HSPD1: variants seen among roughly 807,000 people sequenced by gnomAD.
HSPD1 encodes 60 kDa heat shock protein, mitochondrial.
HSPD1 carries 3 observed loss-of-function variants against 53.0 expected under a neutral mutation model. The ratio of observed to expected loss-of-function variants is 0.06; its 90% CI spans 0.03 to 0.15. The LOEUF is 0.15. Among genes scored for constraint, HSPD1 ranks in the 10% least tolerant of loss-of-function variants. The pLI, the probability that HSPD1 is intolerant of heterozygous loss-of-function variation, is 1.00. For missense variants in HSPD1, 431 were observed against 694.1 expected, an observed-to-expected ratio of 0.62 and a Z score of 4.26; for synonymous variants, 200 against 228.0, an observed-to-expected ratio of 0.88 and a Z score of 1.10.
upstream of HSPD1, chr2:197,500,201 T>A: frequency 1.7e-6 from 1 of 597,320 alleles, no homozygotes; most frequent in Admixed American, 3.0e-5. Context: ...AGCTCCTTTT[T>A]TCTTCCGCCT....
rs1034078994 is a variant in HSPD1 at position 197,488,924 on chromosome 2, C to G, written c.1215+78G>C. 15 of 1,386,652 alleles carry G rather than the reference C, an allele frequency of 1.1e-5. No homozygotes were observed. The Admixed American group carries it at 2.5e-4, about 23-fold the overall frequency. 85.9% of individuals were successfully genotyped at this position (1,386,652 alleles called of 1,614,324 possible). A position where few individuals can be genotyped will look rare whatever the true frequency, so the allele number is the denominator to read the frequency against. On this transcript the variant is annotated intron_variant, in intron 9 of 11. Coordinates refer to ENST00000388968, the MANE Select transcript of HSPD1 (RefSeq NM_002156.5). Reference sequence around the variant, plus strand: ...CAAGTATTCGTTTAGTTCTATGGTACTACTGGGGAATACTACAGAAGCAAA... The same window carrying G: ...CAAGTATTCGTTTAGTTCTATGGTAGTACTGGGGAATACTACAGAAGCAAA...
intron 7 of HSPD1, 76 bp downstream of exon 7, chr2:197,493,248 G>T: frequency 7.9e-7 from 1 of 1,271,666 alleles, no homozygotes; most frequent in Non-Finnish European, 1.1e-6. Context: ...ACACATGATG[G>T]AAACTGCAAA....
chr2:197,500,230 G>A, upstream of HSPD1: 2 of 643,126 alleles, frequency 3.1e-6, no homozygotes, highest in Non-Finnish European at 2.7e-6. Context: ...TCGCGTCAGC[G>A]TCCTGCGCAG....
chr2:197,498,699 A>G lies in HSPD1; in HGVS notation c.150T>C (p.Ala50=). 1 of 1,614,152 alleles carries G rather than the reference A, an allele frequency of 6.2e-7. No individual in the cohort carries two copies. The highest frequency in any genetic ancestry group is 1.1e-5 in the South Asian group (1 of 91,086). The part of the protein sequence containing the change: ...MLQGVDLLAD[A]VAVTMGPKGR... ...CCTTTGGCCCCATTGTAACGGCCACAGCATCGGCTAAAAGGTCTACACCTT... is the reference window on the plus strand; with the variant it reads ...CCTTTGGCCCCATTGTAACGGCCACGGCATCGGCTAAAAGGTCTACACCTT... Residue 50 remains alanine (A), a synonymous_variant, in exon 2 of 12, where the codon GCT becomes GCC. Coordinates refer to ENST00000388968, the MANE Select transcript of HSPD1 (RefSeq NM_002156.5).
Position 197,487,141 on chromosome 2 carries a change from C to T in HSPD1, c.1627G>A (p.Glu543Lys). 6.2e-7 allele frequency: 1 copy of T among 1,603,134 alleles called. No individual in the cohort carries two copies. The highest frequency in any genetic ancestry group is 8.5e-7 in the Non-Finnish European group (1 of 1,170,206). ...TTAGGAATTTCTGTGACTACAACTT[C>T]TGCTGTAGTTAACAGAGAGGCCACA... ...AGVASLLTTA[E>K]VVVTEIPKEE... Residue 543 changes from glutamate (E) to lysine (K), a missense_variant, in exon 12 of 12, where the codon GAA becomes AAA. By Grantham distance (56) the Glu-to-Lys change is moderately conservative (BLOSUM62 1). This residue lies in a region of HSPD1 where 386 missense variants were observed against 657.6 expected (regional missense o/e 0.59). Coordinates refer to ENST00000388968, the MANE Select transcript of HSPD1 (RefSeq NM_002156.5).
chr2:197,490,266 G>C lies in HSPD1; in HGVS notation c.900C>G (p.Val300=), dbSNP rs1280274251. The change falls in exon 8 of 12, where the codon GTC becomes GTG. Residue 300 remains valine (V), a synonymous_variant. Coordinates refer to ENST00000388968, the MANE Select transcript of HSPD1 (RefSeq NM_002156.5). The stretch of plus-strand genomic sequence containing the variant: ...TATTGTCACCAAACCCTGGAGCCTT[G>C]ACTGCCACAACCTGAAGACCAACCT... ...RLKVGLQVVA[V]KAPGFGDNRK... 11 of 1,613,898 alleles carry C rather than the reference G, an allele frequency of 6.8e-6. No homozygotes were observed. The highest frequency in any genetic ancestry group is 2.2e-5 in the South Asian group (2 of 91,068).
intron 11 of HSPD1, 24 bp from the exon 12 acceptor site, chr2:197,487,222 GTT>G: frequency 6.2e-7 from 1 of 1,606,324 alleles, no homozygotes. Context: ...TAATTAATTA[GTT>G]TTCCCTTAGT....
chr2:197,500,201 T>C (rs1175136175), upstream of HSPD1: 8 of 597,320 alleles, frequency 1.3e-5, no homozygotes, highest in Non-Finnish European at 2.4e-5. Context: ...AGCTCCTTTT[T>C]TCTTCCGCCT....
chr2:197,497,731 T>C (rs138082535), intron 2 of HSPD1, among the ~76,000 whole-genome samples: 3 of 152,366 alleles, frequency 2.0e-5, no homozygotes, highest in East Asian at 3.9e-4. Flanking sequence ...TAGTGCCTGT[T>C]ATCTTTTAAA....
At chr2:197,491,877 G>A (rs1158840654) in intron 7 of HSPD1, among the ~76,000 whole-genome samples, 2 of 152,176 alleles carry the variant, frequency 1.3e-5, no homozygotes, top group African/African-American at 2.4e-5. Context: ...AGTGGCTCAT[G>A]CCTGTAATCC....
chr2:197,495,418 A>T, intron 3 of HSPD1, 42 bp from the exon 4 acceptor site: 3 of 1,167,624 alleles, frequency 2.6e-6, no homozygotes, highest in Non-Finnish European at 3.9e-6. Flanking sequence ...TATTTCTCTC[A>T]TGGCTTCTAT....
At chr2:197,493,263 A>T in intron 7 of HSPD1, 61 bp downstream of exon 7, 1 of 1,399,020 alleles carries the variant, frequency 7.1e-7, no homozygotes. Flanking sequence ...TGCAAACAGC[A>T]ATACAAATAA....
rs755302301 is a variant in HSPD1 at position 197,494,878 on chromosome 2, T to A, written c.511-126A>T. ...CCAGGGGAGAGAAGGGGAATTTACG[T>A]TATGGTAGTTTTCATGAAGTACTGG... On this transcript the variant is annotated intron_variant, in intron 4 of 11. Transcript: ENST00000388968. 5.9e-4 allele frequency: 423 copies of A among 719,346 alleles called. 1 individual carries two copies. Among genetic ancestry groups the A allele is most frequent in the Admixed American group, 9.4e-4 (45 of 47,776 alleles). The allele number at this position is 719,346 out of a possible 1,614,324, so 44.6% of individuals were successfully genotyped here.
chr2:197,490,478 G>C (rs1215625266), intron 7 of HSPD1, 182 bp from the exon 8 acceptor site: 3 of 608,974 alleles, frequency 4.9e-6, no homozygotes, highest in Non-Finnish European at 8.7e-6. Flanking sequence ...AAGTATCTGA[G>C]ACAGTTTAGG....
chr2:197,494,596 AACTCAAACTTTTGATCATAAGAT>A, intron 5 of HSPD1, 38 bp downstream of exon 5: 1 of 768,578 alleles, frequency 1.3e-6, no homozygotes, highest in Non-Finnish European at 2.0e-6. Context: ...ATCATCAGAT[AACTCAAACTTTTGATCATAAGAT>A]AACTCAAAAT....
Position 197,488,371 on chromosome 2 carries a change from G to T in HSPD1, c.1336C>A (p.Arg446=), listed in dbSNP as rs754552375. 3 of 1,613,704 alleles carry T rather than the reference G, an allele frequency of 1.9e-6. No individual in the cohort carries two copies. The highest frequency in any genetic ancestry group is 1.6e-4 in the Middle Eastern group (1 of 6,078). ...AATGAGTCCAAGGCTGGAATGCATC[G>T]AAGGAGGGCACAACCCCCTCCCAAA... ...IVLGGGCALL[R]CIPALDSLTP... is the part of the protein sequence containing the mutation. The change falls in exon 10 of 12, where the codon CGA becomes AGA. Residue 446 remains arginine (R), a synonymous_variant. Transcript: ENST00000388968.
chr2:197,498,735 G>A lies in HSPD1; in HGVS notation c.114C>T (p.Ala38=). Residue 38 remains alanine, a synonymous_variant, in exon 2 of 12, where the codon GCC becomes GCT. Transcript: ENST00000388968. ...AAAGGTCTACACCTTGAAGCATTAA[G>A]GCTCGGGCATCTGCACCAAATTTTA... ...KDVKFGADAR[A]LMLQGVDLLA... is the part of the protein sequence containing the mutation. The A allele has an allele frequency of 6.2e-7, 1 of 1,614,214 alleles. No homozygotes were observed. Among genetic ancestry groups the A allele is most frequent in the Non-Finnish European group, 8.5e-7 (1 of 1,180,044 alleles).
At chr2:197,490,132 A>G in intron 8 of HSPD1, 65 bp downstream of exon 8, 1 of 1,135,832 alleles carries the variant, frequency 8.8e-7, no homozygotes, top group Non-Finnish European at 1.3e-6. Flanking sequence ...GAAATGTTAA[A>G]CTATCTATAA....
Position 197,494,260 on chromosome 2 carries a change from G to A in HSPD1, c.607-10C>T, listed in dbSNP as rs765686397. The stretch of plus-strand genomic sequence containing the variant: ...TCAGTGTTTTTCCATCCTATGAAAA[G>A]TCAAAGAATTAGGTATATGGATTTC... On this transcript the variant is annotated splice_polypyrimidine_tract_variant and intron_variant, in intron 5 of 11. Transcript: ENST00000388968. 6.0e-6 allele frequency: 8 copies of A among 1,336,138 alleles called. No individual in the cohort carries two copies. The highest frequency in any genetic ancestry group is 1.8e-4 in the Middle Eastern group (1 of 5,468). 82.8% of individuals were successfully genotyped at this position (1,336,138 alleles called of 1,614,324 possible).
Sources: allele counts gnomAD v4.1 joint callset (sites outside exome capture counted in the v4.1 genomes callset), GRCh38; gene constraint gnomAD v4.1.1; regional missense constraint gnomAD v4.1.1; transcripts MANE v1.5; gene names NCBI Gene and HGNC (gene_info 2026-07-23, HGNC 2026-07-21).